Variants in DCDC1 observed in about 807,000 individuals in gnomAD.
DCDC1 encodes doublecortin domain containing 1.
Under a neutral mutation model 178.3 loss-of-function variants are expected in DCDC1, and 200 were observed. That is an observed-to-expected ratio of 1.12 (90% CI 1.00 to 1.26). DCDC1 has a LOEUF of 1.26. DCDC1 is among the 50% of genes most tolerant of loss of function. DCDC1 has a pLI of 0.00. For synonymous variants in DCDC1, 690 were observed against 604.8 expected, an observed-to-expected ratio of 1.14 and a Z score of -2.07; for missense variants, 1,983 against 1,749.2, an observed-to-expected ratio of 1.13 and a Z score of -2.38.
chr11:30,905,038 C>G lies in DCDC1; in HGVS notation c.4231G>C (p.Ala1411Pro). 6.2e-7 allele frequency: 1 copy of G among 1,613,868 alleles called. No homozygotes were observed. The highest frequency in any genetic ancestry group is 8.5e-7 in the Non-Finnish European group (1 of 1,179,790). ...HSGMAATHQK[A>P]VKIIAYKNGD... ...TTTTTGTATGCAATTATTTTCACTG[C>G]CTTCTGGTGTGTGGCTGCCATGCCA... The change falls in exon 31 of 39, where the codon GCA becomes CCA. Residue 1411 changes from alanine to proline, a missense_variant. Transcript: ENST00000684477.
At chr11:30,930,756 A>G (rs1247962953) in intron 22 of DCDC1, among the ~76,000 whole-genome samples, 1 of 152,118 alleles carries the variant, frequency 6.6e-6, no homozygotes, top group African/African-American at 2.4e-5. Context: ...AGAAACAGAA[A>G]TTTTGTGTTA....
chr11:31,059,685 T>C (rs1955806584), intron 20 of DCDC1, among the ~76,000 whole-genome samples: 1 of 152,054 alleles, frequency 6.6e-6, no homozygotes, highest in South Asian at 2.1e-4. Context: ...GCCTGACTAT[T>C]GTCAAAACTG....
chr11:30,918,046 T>TAAAA (rs144914353), intron 25 of DCDC1, among the ~76,000 whole-genome samples: 60 of 151,194 alleles, frequency 4.0e-4, no homozygotes, highest in African/African-American at 1.5e-3. Context: ...CCTTTACAGT[T>TAAAA]AAAAAAAACA....
intron 9 of DCDC1, among the ~76,000 whole-genome samples, chr11:31,205,928 C>T (rs1408397158): frequency 6.6e-6 from 1 of 152,156 alleles, no homozygotes; most frequent in Non-Finnish European, 1.5e-5. Flanking sequence ...ATCTCAAAAG[C>T]TGAACCTTAC....
At chr11:31,174,295 T>C (rs1456509373) in intron 9 of DCDC1, among the ~76,000 whole-genome samples, 1 of 152,112 alleles carries the variant, frequency 6.6e-6, no homozygotes, top group Non-Finnish European at 1.5e-5. Context: ...CAGAGCAGAG[T>C]TGAGGCTGAG....
chr11:31,031,817 T>A (rs1156672883), intron 20 of DCDC1, among the ~76,000 whole-genome samples: 1 of 152,146 alleles, frequency 6.6e-6, no homozygotes, highest in African/African-American at 2.4e-5. Flanking sequence ...AGAGAGACAA[T>A]GACATTTGTA....
At chr11:31,048,035 T>C (rs1032060143) in intron 20 of DCDC1, among the ~76,000 whole-genome samples, 3 of 152,170 alleles carry the variant, frequency 2.0e-5, no homozygotes, top group African/African-American at 7.2e-5. Flanking sequence ...ATATTCATAG[T>C]CTCATTTAAA....
intron 6 of DCDC1, among the ~76,000 whole-genome samples, chr11:31,295,214 T>C (rs1386897914): frequency 6.6e-6 from 1 of 152,256 alleles, no homozygotes; most frequent in Non-Finnish European, 1.5e-5. Flanking sequence ...ATAGTTGTTA[T>C]ACTGTATTTT....
At chr11:31,093,424 T>C (rs1480000911) in intron 16 of DCDC1, among the ~76,000 whole-genome samples, 1 of 152,136 alleles carries the variant, frequency 6.6e-6, no homozygotes, top group Non-Finnish European at 1.5e-5. Flanking sequence ...GGAAAGATAA[T>C]TGTGAACTGC....
chr11:30,878,541 T>C lies in DCDC1; in HGVS notation c.*40+3A>G. 6.4e-7 allele frequency: 1 copy of C among 1,564,642 alleles called. No individual in the cohort carries two copies. Among genetic ancestry groups the C allele is most frequent in the Non-Finnish European group, 8.6e-7 (1 of 1,159,994 alleles). On this transcript the variant is annotated splice_donor_region_variant and intron_variant, in intron 38 of 38. Transcript: ENST00000684477. ...AAACATGAGTATGTGCACATAGCTATACCAGAAAAATACAGCAGAAAATCC... is the reference window on the plus strand; with the variant it reads ...AAACATGAGTATGTGCACATAGCTACACCAGAAAAATACAGCAGAAAATCC...
At chr11:31,274,921 G>T (rs1403207759) in intron 7 of DCDC1, among the ~76,000 whole-genome samples, 2 of 151,986 alleles carry the variant, frequency 1.3e-5, no homozygotes, top group East Asian at 3.9e-4. Context: ...GGCTGGTCTT[G>T]AACTCCTGAC....
intron 9 of DCDC1, among the ~76,000 whole-genome samples, chr11:31,146,719 GTTA>G (rs557916237): frequency 9.0e-4 from 137 of 152,278 alleles, no homozygotes; most frequent in African/African-American, 3.2e-3. Context: ...GACTTCCTGT[GTTA>G]TTAGAAACTC....
At chr11:31,331,706 C>T (rs752679694) in intron 2 of DCDC1, among the ~76,000 whole-genome samples, 4 of 152,206 alleles carry the variant, frequency 2.6e-5, no homozygotes, top group Admixed American at 6.5e-5. Flanking sequence ...GTTGAACCAC[C>T]CTTGCATCCC....
chr11:30,985,226 G>A (rs899683652), intron 20 of DCDC1, among the ~76,000 whole-genome samples: 42 of 152,154 alleles, frequency 2.8e-4, no homozygotes, highest in African/African-American at 9.4e-4. Context: ...TAGAAGGGGA[G>A]TCAGAAATGA....
chr11:30,961,194 G>A (rs1048713132), intron 20 of DCDC1, among the ~76,000 whole-genome samples: 8 of 152,034 alleles, frequency 5.3e-5, no homozygotes, highest in Admixed American at 1.3e-4. Flanking sequence ...GAAAATTTGT[G>A]CAAGTCTGTA....
intron 20 of DCDC1, among the ~76,000 whole-genome samples, chr11:30,995,163 C>T (rs1240654203): frequency 6.6e-6 from 1 of 151,992 alleles, no homozygotes; most frequent in East Asian, 1.9e-4. Flanking sequence ...TTTACATTTA[C>T]ACAAAATATT....
intron 26 of DCDC1, 25 bp from the exon 27 acceptor site, chr11:30,915,736 T>A: frequency 6.3e-7 from 1 of 1,594,096 alleles, no homozygotes. Flanking sequence ...TCTCTATTAG[T>A]GGCAGAAAAA....
chr11:31,247,427 C>G (rs1363557191), intron 8 of DCDC1, among the ~76,000 whole-genome samples: 1 of 151,674 alleles, frequency 6.6e-6, no homozygotes, highest in Non-Finnish European at 1.5e-5. Context: ...TATATCTACT[C>G]CTTGTTCCAT....
chr11:30,990,430 T>G lies in DCDC1; in HGVS notation c.2592-37862A>C, dbSNP rs911456579. On this transcript the variant is annotated intron_variant, in intron 20 of 38. Coordinates refer to ENST00000684477, the MANE Select transcript of DCDC1 (RefSeq NM_001387274.1). ...TAGGAGCAGCAAACCCATGTTGTTA[T>G]GGAGGCACCCACAGGACAGGTAAGA... 2.0e-5 allele frequency among the ~76,000 whole-genome samples: 3 copies of G among 152,254 alleles called. No homozygotes were observed. The South Asian group carries it at 6.2e-4, about 32-fold the overall frequency.
Sources: allele counts gnomAD v4.1 joint callset (sites outside exome capture counted in the v4.1 genomes callset), GRCh38; gene constraint gnomAD v4.1.1; transcripts MANE v1.5; gene names NCBI Gene and HGNC (gene_info 2026-07-23, HGNC 2026-07-21).